The following PHACTR1 variants were observed in gnomAD, a reference collection of about 807,000 sequenced individuals.
PHACTR1 encodes phosphatase and actin regulator 1, also known as RPEL repeat containing 1.
A neutral mutation model predicts 69.2 loss-of-function variants in PHACTR1; 16 were observed. The observed-to-expected ratio is 0.23, with a 90% CI of 0.16 to 0.35. The LOEUF is 0.35. Ranked by LOEUF, PHACTR1 falls within the 10% of genes least tolerant of loss-of-function variation. PHACTR1 has a pLI of 1.00. For missense variants in PHACTR1, 510 were observed against 734.7 expected (o/e 0.69, Z 3.54); for synonymous variants, 312 against 284.5 (o/e 1.10, Z -0.97).
At chr6:12,971,251 G>A (rs571098871) in intron 4 of PHACTR1, among the ~76,000 whole-genome samples, 7 of 152,128 alleles carry the variant, frequency 4.6e-5, no homozygotes, top group South Asian at 2.1e-4. Flanking sequence ...AACACTAGCC[G>A]TAGGGTTAGT....
intron 4 of PHACTR1, among the ~76,000 whole-genome samples, chr6:12,923,737 G>T (rs1304672916): frequency 1.3e-5 from 2 of 152,050 alleles, no homozygotes; most frequent in Non-Finnish European, 2.9e-5. Context: ...CACCAGATTT[G>T]CTCTTTCCCT....
intron 4 of PHACTR1, among the ~76,000 whole-genome samples, chr6:13,034,731 A>G (rs1803039741): frequency 6.6e-6 from 1 of 152,196 alleles, no homozygotes; most frequent in Non-Finnish European, 1.5e-5. Context: ...CGTCTTCCTG[A>G]ATTGAATCTT....
At chr6:13,064,839 A>T (rs9473370) in intron 5 of PHACTR1, among the ~76,000 whole-genome samples, 1 of 150,864 alleles carries the variant, frequency 6.6e-6, no homozygotes. Flanking sequence ...AGTCAACTTG[A>T]TTTTTGTGAT....
At chr6:12,804,481 A>G (rs902041123) in intron 4 of PHACTR1, among the ~76,000 whole-genome samples, 7 of 152,222 alleles carry the variant, frequency 4.6e-5, no homozygotes, top group African/African-American at 1.7e-4. Context: ...TGGTCCCATT[A>G]CAGAATGATT....
chr6:13,209,262 T>C (rs1158392979), intron 8 of PHACTR1, among the ~76,000 whole-genome samples: 1 of 152,202 alleles, frequency 6.6e-6, no homozygotes, highest in African/African-American at 2.4e-5. Flanking sequence ...GATTTCCCCC[T>C]GATTTTTACT....
intron 5 of PHACTR1, among the ~76,000 whole-genome samples, chr6:13,148,619 G>A (rs1473101144): frequency 6.6e-6 from 1 of 151,946 alleles, no homozygotes; most frequent in African/African-American, 2.4e-5. Context: ...GCTCCCATAG[G>A]ACCTGACTTC....
chr6:12,780,836 A>G (rs536710063), intron 4 of PHACTR1, among the ~76,000 whole-genome samples: 11 of 152,292 alleles, frequency 7.2e-5, no homozygotes, highest in African/African-American at 2.6e-4. Context: ...AACTGACCTC[A>G]CTCATGCTTC....
At chr6:13,231,785 T>C (rs1182781242) in intron 10 of PHACTR1, among the ~76,000 whole-genome samples, 1 of 152,256 alleles carries the variant, frequency 6.6e-6, no homozygotes, top group Non-Finnish European at 1.5e-5. Context: ...TACTTACTAT[T>C]TGCCACCATT....
chr6:13,111,030 T>C (rs1016689935), intron 5 of PHACTR1, among the ~76,000 whole-genome samples: 2 of 152,208 alleles, frequency 1.3e-5, no homozygotes, highest in African/African-American at 2.4e-5. Context: ...TGAATGGATA[T>C]ACCACAATTT....
Position 12,812,768 on chromosome 6 carries a change from C to T in PHACTR1, c.250+62978C>T, listed in dbSNP as rs1282648626. On this transcript the variant is annotated intron_variant, in intron 4 of 14. Coordinates refer to ENST00000332995, the MANE Select transcript of PHACTR1 (RefSeq NM_030948.6). ...GCTCGTGGTTTCCTGTGTTTGAAAT[C>T]GCATGATTGTTAGGACTCAAAAGAG... Among the ~76,000 whole-genome samples the T allele has an allele frequency of 4.6e-5, 7 of 152,270 alleles. No individual in the cohort carries two copies. In the East Asian group the frequency reaches 9.6e-4, roughly 21 times the overall value.
intron 8 of PHACTR1, among the ~76,000 whole-genome samples, chr6:13,218,121 A>G (rs979042009): frequency 3.3e-5 from 5 of 152,250 alleles, no homozygotes; most frequent in South Asian, 2.1e-4. Flanking sequence ...TCAGAAAGCA[A>G]TATTCCCTTT....
chr6:12,991,069 G>A (rs1300184146), intron 4 of PHACTR1, among the ~76,000 whole-genome samples: 1 of 152,168 alleles, frequency 6.6e-6, no homozygotes, highest in African/African-American at 2.4e-5. Context: ...CTCATTTAGG[G>A]CCATAGTTTC....
chr6:12,882,746 T>C (rs1158818391), intron 4 of PHACTR1, among the ~76,000 whole-genome samples: 1 of 152,114 alleles, frequency 6.6e-6, no homozygotes, highest in African/African-American at 2.4e-5. Flanking sequence ...CTCTGGAAAA[T>C]TGGATGGTTT....
At chr6:12,949,103 T>C (rs1790992193) in intron 4 of PHACTR1, among the ~76,000 whole-genome samples, 1 of 151,804 alleles carries the variant, frequency 6.6e-6, no homozygotes, top group Non-Finnish European at 1.5e-5. Flanking sequence ...AAAACCCATA[T>C]CTACTAAAAA....
intron 4 of PHACTR1, among the ~76,000 whole-genome samples, chr6:12,935,300 G>A (rs1789315490): frequency 6.6e-6 from 1 of 152,062 alleles, no homozygotes; most frequent in Non-Finnish European, 1.5e-5. Context: ...CTGGAGTGCA[G>A]TAGTACAATC....
chr6:13,201,604 AGAG>A (rs1480531408), intron 7 of PHACTR1, among the ~76,000 whole-genome samples: 7 of 152,208 alleles, frequency 4.6e-5, no homozygotes, highest in Non-Finnish European at 8.8e-5. Context: ...CCACACGATA[AGAG>A]GAGATGAGTG....
At chr6:12,941,079 T>G (rs559360652) in intron 4 of PHACTR1, among the ~76,000 whole-genome samples, 1 of 152,278 alleles carries the variant, frequency 6.6e-6, no homozygotes, top group East Asian at 1.9e-4. Flanking sequence ...GGCATCAATC[T>G]CATATGAGCA....
chr6:12,752,299 T>A (rs1345192851), intron 4 of PHACTR1, among the ~76,000 whole-genome samples: 1 of 152,228 alleles, frequency 6.6e-6, no homozygotes, highest in African/African-American at 2.4e-5. Context: ...AAACTATTAG[T>A]GTTGTTATCA....
chr6:12,877,023 C>T (rs372642614), intron 4 of PHACTR1, among the ~76,000 whole-genome samples: 2 of 152,126 alleles, frequency 1.3e-5, no homozygotes, highest in Admixed American at 6.5e-5. Flanking sequence ...TTCTCAGGCC[C>T]CAAACAGATT....
Sources: gnomAD v4.1 joint callset for allele counts (sites outside exome capture counted in the v4.1 genomes callset) on GRCh38, gnomAD v4.1.1 for gene constraint, MANE v1.5 for transcripts, NCBI Gene and HGNC (gene_info 2026-07-23, HGNC 2026-07-21) for gene names.